SRRM3: variants seen among roughly 807,000 people sequenced by gnomAD.
The protein encoded by SRRM3 is serine/arginine repetitive matrix protein 3.
A neutral mutation model predicts 66.2 loss-of-function variants in SRRM3; 27 were observed. The observed-to-expected ratio is 0.41, with a 90% CI of 0.30 to 0.56. SRRM3 has a LOEUF of 0.56. Ranked by LOEUF, SRRM3 falls within the 20% of genes least tolerant of loss-of-function variation. The probability of loss-of-function intolerance (pLI) is 0.32; values close to 1 mark genes in which losing one functional copy is unlikely to be tolerated. For synonymous variants in SRRM3, 391 were observed against 414.9 expected, an observed-to-expected ratio of 0.94 and a Z score of 0.70; for missense variants, 918 against 991.9, an observed-to-expected ratio of 0.93 and a Z score of 1.00.
intron 2 of SRRM3, among the ~76,000 whole-genome samples, chr7:76,242,650 G>A (rs1801336934): frequency 6.6e-6 from 1 of 152,074 alleles, no homozygotes; most frequent in Non-Finnish European, 1.5e-5. Flanking sequence ...AGAGTCCGTG[G>A]GAGCCCTGAG....
chr7:76,281,929 C>G lies in SRRM3; in HGVS notation c.1370+127C>G, dbSNP rs1802524076. On this transcript the variant is annotated intron_variant, in intron 12 of 14. Transcript: ENST00000611745. ...TACCCTCCAGGGATCCCAACCCCCT[C>G]CCACCGAGCTACCCCCATGGATTCC... 23 of 687,944 alleles carry G rather than the reference C, an allele frequency of 3.3e-5. No individual in the cohort carries two copies. The South Asian group carries it at 1.1e-3, about 32-fold the overall frequency. 42.6% of individuals were successfully genotyped at this position (687,944 alleles called of 1,614,324 possible).
At chr7:76,267,603 C>T (rs1202311492) in intron 11 of SRRM3, 168 bp downstream of exon 11, 5 of 571,590 alleles carry the variant, frequency 8.7e-6, no homozygotes, top group African/African-American at 5.9e-5. Flanking sequence ...GCTCGGGAGC[C>T]GCCGGGAGTG....
At chr7:76,237,505 G>A (rs1455779976) in intron 2 of SRRM3, among the ~76,000 whole-genome samples, 2 of 152,224 alleles carry the variant, frequency 1.3e-5, no homozygotes, top group African/African-American at 2.4e-5. Flanking sequence ...AACCCGCGAA[G>A]CAGAGGTTGC....
At chr7:76,250,618 A>G (rs1344516522) in intron 3 of SRRM3, among the ~76,000 whole-genome samples, 1 of 152,148 alleles carries the variant, frequency 6.6e-6, no homozygotes, top group Non-Finnish European at 1.5e-5. Context: ...GACTTTCTGT[A>G]TTGCTGGGTA....
chr7:76,277,804 G>A (rs570791868), intron 11 of SRRM3, among the ~76,000 whole-genome samples: 27 of 151,414 alleles, frequency 1.8e-4, no homozygotes, highest in Non-Finnish European at 3.1e-4. Flanking sequence ...CAGAGTTGGA[G>A]CCAGGGTTCA....
rs1026594303 is a variant in SRRM3, at chr7:76,282,678, C to T, written c.1401C>T (p.Pro467=). The T allele has an allele frequency of 1.3e-4, 182 of 1,427,382 alleles. No homozygotes were observed. Among genetic ancestry groups the T allele is most frequent in the Non-Finnish European group, 1.5e-4 (160 of 1,097,422 alleles). 88.4% of individuals were successfully genotyped at this position (1,427,382 alleles called of 1,614,324 possible). ...AGGAGCGGCCCCCGCGCGCGCGGCCCGCCAGCACCTCTCCGTCCCCGGGCG... is the reference window on the plus strand; with the variant it reads ...AGGAGCGGCCCCCGCGCGCGCGGCCTGCCAGCACCTCTCCGTCCCCGGGCG... ...RAKERPPRAR[P]ASTSPSPGAH... The change falls in exon 13 of 15, where the codon CCC becomes CCT. Residue 467 remains proline (P), a synonymous_variant. Transcript: ENST00000611745.
At chr7:76,264,573 GA>G (rs1342011398) in intron 8 of SRRM3, among the ~76,000 whole-genome samples, 191 bp from the exon 9 acceptor site, 1 of 152,188 alleles carries the variant, frequency 6.6e-6, no homozygotes, top group Non-Finnish European at 1.5e-5. Flanking sequence ...CCAGGAGGAG[GA>G]AGGCCGGAGC....
rs1802504499 is a variant in SRRM3 at position 76,281,458 on chromosome 7, G to T, written c.1026G>T (p.Ser342=). 1 of 1,234,842 alleles carries T rather than the reference G, an allele frequency of 8.1e-7. No individual in the cohort carries two copies. 76.5% of individuals were successfully genotyped at this position (1,234,842 alleles called of 1,614,324 possible). ...HSPPDKPSSP[S]PRVRDKAAAA... Reference sequence around the variant, plus strand: ...CCCGTCAGAAGCCCAGCTCGCCCTCGCCCAGGGTCCGTGACAAGGCGGCGG... The same window carrying T: ...CCCGTCAGAAGCCCAGCTCGCCCTCTCCCAGGGTCCGTGACAAGGCGGCGG... Residue 342 remains serine, a synonymous_variant, in exon 12 of 15, where the codon TCG becomes TCT. Coordinates refer to ENST00000611745, the MANE Select transcript of SRRM3 (RefSeq NM_001110199.3).
intron 1 of SRRM3, among the ~76,000 whole-genome samples, chr7:76,205,072 A>G (rs1416805503): frequency 1.3e-5 from 2 of 150,276 alleles, no homozygotes; most frequent in Admixed American, 6.6e-5. Flanking sequence ...CAACTCCTTC[A>G]CTGAGCCAAG....
At chr7:76,210,994 A>C (rs1217039889) in intron 1 of SRRM3, among the ~76,000 whole-genome samples, 2 of 152,068 alleles carry the variant, frequency 1.3e-5, no homozygotes, top group African/African-American at 4.8e-5. Flanking sequence ...GTGTATTTTT[A>C]GTAGAGACAG....
At chr7:76,246,357 A>AGGG (rs1801439469) in intron 2 of SRRM3, among the ~76,000 whole-genome samples, 1 of 152,020 alleles carries the variant, frequency 6.6e-6, no homozygotes, top group Non-Finnish European at 1.5e-5. Flanking sequence ...TGAGGTCAGG[A>AGGG]GTTCATGACC....
At chr7:76,265,509 T>C (rs1554609417) in intron 10 of SRRM3, 41 bp downstream of exon 10, 2 of 1,534,710 alleles carry the variant, frequency 1.3e-6, no homozygotes, top group Non-Finnish European at 1.8e-6. Context: ...TGGTGGGGGA[T>C]GAGGGTTGCA....
chr7:76,218,683 T>C (rs1389361301), intron 1 of SRRM3, among the ~76,000 whole-genome samples: 4 of 133,936 alleles, frequency 3.0e-5, no homozygotes, highest in Non-Finnish European at 4.8e-5. Flanking sequence ...TCTTTTTTTT[T>C]TTTTTTTTTT....
At chr7:76,230,966 G>C (rs1375009417) in intron 1 of SRRM3, among the ~76,000 whole-genome samples, 1 of 152,010 alleles carries the variant, frequency 6.6e-6, no homozygotes, top group Non-Finnish European at 1.5e-5. Context: ...GCCCAGGCTG[G>C]TCTTGAACTC....
At position 76,232,342 on chromosome 7, in the gene SRRM3, G is replaced by A. The variant is rs116879731; in HGVS notation, c.-39-2686G>A. ...AGTTCAAGACCAGCCTGGCCACGAG[G>A]AGGGCAGATCACTTGAGGTCAGAGT... On this transcript the variant is annotated intron_variant, in intron 1 of 14. Transcript: ENST00000611745. 5.2e-3 allele frequency among the ~76,000 whole-genome samples: 792 copies of A among 152,262 alleles called. 4 individuals are homozygous for A. The highest frequency in any genetic ancestry group is 8.1e-3 in the Non-Finnish European group (548 of 68,024).
intron 11 of SRRM3, among the ~76,000 whole-genome samples, chr7:76,280,767 C>T (rs1802476593): frequency 6.8e-6 from 1 of 146,354 alleles, no homozygotes; most frequent in African/African-American, 2.5e-5. Context: ...CTCCCCCCAC[C>T]CCACCCGCCC....
chr7:76,264,711 G>C, intron 8 of SRRM3, 54 bp from the exon 9 acceptor site: 1 of 1,599,804 alleles, frequency 6.3e-7, no homozygotes, highest in Non-Finnish European at 8.6e-7. Flanking sequence ...TCCAGGGCAC[G>C]AAGGCCACAC....
Position 76,280,116 on chromosome 7 carries a change from T to TAAA in SRRM3, c.1009-1313_1009-1311dup, listed in dbSNP as rs567656342. Among the ~76,000 whole-genome samples the TAAA allele has an allele frequency of 9.2e-3, 1,094 of 118,394 alleles. 17 individuals are homozygous for TAAA. The highest frequency in any genetic ancestry group is 0.032 in the African/African-American group (1,023 of 31,866). The allele number at this position is 118,394 out of a possible 152,430, so 77.7% of individuals were successfully genotyped here. On this transcript the variant is annotated intron_variant, in intron 11 of 14. Coordinates refer to ENST00000611745, the MANE Select transcript of SRRM3 (RefSeq NM_001110199.3). ...CAAGAGGGACTTAAAAATCAGAACT[T>TAAA]AAAAAAAAAAAAAAGAAAAAGAAAA...
intron 1 of SRRM3, among the ~76,000 whole-genome samples, chr7:76,231,266 A>G (rs933196865): frequency 5.3e-5 from 8 of 152,228 alleles, no homozygotes; most frequent in Non-Finnish European, 1.2e-4. Context: ...CAAATCCACC[A>G]TCTGTTCTAG....
Sources: gnomAD v4.1 joint callset for allele counts (sites outside exome capture counted in the v4.1 genomes callset) on GRCh38, gnomAD v4.1.1 for gene constraint, MANE v1.5 for transcripts, NCBI Gene and HGNC (gene_info 2026-07-23, HGNC 2026-07-21) for gene names.